ADAMTS6: variants seen among roughly 807,000 people sequenced by gnomAD.
ADAMTS6 encodes A disintegrin and metalloproteinase with thrombospondin motifs 6.
A neutral mutation model predicts 144.3 loss-of-function variants in ADAMTS6; 23 were observed. The observed-to-expected ratio is 0.16, with a 90% confidence interval of 0.11 to 0.23. The LOEUF (loss-of-function observed/expected upper bound fraction) is 0.23. ADAMTS6 is among the 10% of genes least tolerant of loss of function. ADAMTS6 has a pLI of 1.00. For missense variants in ADAMTS6, 999 were observed against 1,379.6 expected (o/e 0.72, Z 4.37); for synonymous variants, 444 against 457.5 (o/e 0.97, Z 0.38).
At chr5:65,372,833 C>T (rs1183545765) in intron 7 of ADAMTS6, among the ~76,000 whole-genome samples, 1 of 152,134 alleles carries the variant, frequency 6.6e-6, no homozygotes, top group Non-Finnish European at 1.5e-5. Flanking sequence ...CACACCTATT[C>T]CAAAATTGAC....
At chr5:65,301,792 T>C (rs1418957962) in intron 9 of ADAMTS6, among the ~76,000 whole-genome samples, 1 of 151,906 alleles carries the variant, frequency 6.6e-6, no homozygotes, top group Non-Finnish European at 1.5e-5. Flanking sequence ...TAAAGACATA[T>C]AATATGTCCT....
rs199582271 is a variant in ADAMTS6, at chr5:65,329,362, T to C, written c.1223+16A>G. The C allele has an allele frequency of 3.7e-5, 60 of 1,609,244 alleles. No individual in the cohort carries two copies. Among genetic ancestry groups the C allele is most frequent in the Non-Finnish European group, 5.0e-5 (59 of 1,177,498 alleles). ...AGAGTTCTAAAATTTATTTTGATTTTCTTAAACTCACTCACTTGTGACCAA... is the reference window on the plus strand; with the variant it reads ...AGAGTTCTAAAATTTATTTTGATTTCCTTAAACTCACTCACTTGTGACCAA... On this transcript the variant is annotated intron_variant, in intron 9 of 24. Transcript: ENST00000381055.
At chr5:65,319,291 A>G (rs1391848611) in intron 9 of ADAMTS6, among the ~76,000 whole-genome samples, 1 of 152,080 alleles carries the variant, frequency 6.6e-6, no homozygotes, top group Middle Eastern at 3.2e-3. Flanking sequence ...CAATGATTCA[A>G]ACTTCTCTCT....
chr5:65,163,140 G>A (rs1579925592), intron 24 of ADAMTS6, among the ~76,000 whole-genome samples: 1 of 152,108 alleles, frequency 6.6e-6, no homozygotes, highest in Non-Finnish European at 1.5e-5. Flanking sequence ...GAACTCCTGG[G>A]CTCAAGTGAT....
intron 9 of ADAMTS6, among the ~76,000 whole-genome samples, chr5:65,311,349 C>G (rs953940295): frequency 2.0e-5 from 3 of 152,054 alleles, no homozygotes; most frequent in African/African-American, 7.2e-5. Flanking sequence ...GGTTACTATA[C>G]AGAGACTGAG....
chr5:65,452,179 A>G lies in ADAMTS6; in HGVS notation c.881T>C (p.Val294Ala), dbSNP rs1335974656. 6 of 1,612,502 alleles carry G rather than the reference A, an allele frequency of 3.7e-6. No individual in the cohort carries two copies. The highest frequency in any genetic ancestry group is 1.3e-5 in the African/African-American group (1 of 74,894). Residue 294 changes from valine (V) to alanine (A), a missense_variant, in exon 6 of 25, where the codon GTT (valine) becomes GCT (alanine). Val to Ala is a moderately conservative substitution (Grantham distance 64, BLOSUM62 0). Coordinates refer to ENST00000381055, the MANE Select transcript of ADAMTS6 (RefSeq NM_197941.4). ...KLYRDSSLGN[V>A]VNIIVARLIV... ...TAAGCGGGCCACTATAATATTCACA[A>G]CGTTTCCTAGGCTGGAATCACGGTA...
At chr5:65,287,619 C>T (rs1205163711) in intron 11 of ADAMTS6, among the ~76,000 whole-genome samples, 3 of 152,142 alleles carry the variant, frequency 2.0e-5, no homozygotes, top group Non-Finnish European at 4.4e-5. Context: ...CAACCCCCGC[C>T]TCCTGGGTTC....
chr5:65,226,223 G>T lies in ADAMTS6; in HGVS notation c.1934-4C>A. 1.2e-6 allele frequency: 2 copies of T among 1,612,380 alleles called. No homozygotes were observed. Among genetic ancestry groups the T allele is most frequent in the South Asian group, 1.1e-5 (1 of 90,774 alleles). ...AATGCACAAGGTTTTACCCCACCTG[G>T]ACAAATACAGTAGAAGAGAAATAAG... On this transcript the variant is annotated splice_polypyrimidine_tract_variant and splice_region_variant and intron_variant, in intron 15 of 24. Coordinates refer to ENST00000381055, the MANE Select transcript of ADAMTS6 (RefSeq NM_197941.4).
At chr5:65,397,587 T>C (rs1753455315) in intron 7 of ADAMTS6, among the ~76,000 whole-genome samples, 1 of 152,076 alleles carries the variant, frequency 6.6e-6, no homozygotes, top group Non-Finnish European at 1.5e-5. Context: ...TAGAAGTATG[T>C]TGTTTATGGC....
chr5:65,260,738 A>G, intron 13 of ADAMTS6, 75 bp from the exon 14 acceptor site: 1 of 1,129,602 alleles, frequency 8.9e-7, no homozygotes, highest in South Asian at 1.5e-5. Flanking sequence ...TTACTTGATG[A>G]AAACATACTA....
intron 7 of ADAMTS6, among the ~76,000 whole-genome samples, chr5:65,439,089 C>A (rs561377619): frequency 4.6e-5 from 7 of 151,604 alleles, no homozygotes; most frequent in African/African-American, 1.7e-4. Flanking sequence ...TGGAAAGTGA[C>A]GGAAAATCCC....
intron 14 of ADAMTS6, among the ~76,000 whole-genome samples, chr5:65,256,964 TC>T: frequency 1.6e-5 from 2 of 128,960 alleles, no homozygotes; most frequent in African/African-American, 6.9e-5. Flanking sequence ...TCACTTTTTC[TC>T]TCTCTCTCTC....
intron 7 of ADAMTS6, among the ~76,000 whole-genome samples, chr5:65,396,573 G>A (rs1753356303): frequency 6.6e-6 from 1 of 152,100 alleles, no homozygotes; most frequent in Admixed American, 6.5e-5. Context: ...AGATTTAGAA[G>A]CAGAAAGCAT....
intron 11 of ADAMTS6, among the ~76,000 whole-genome samples, chr5:65,278,846 T>A (rs1323576453): frequency 6.6e-6 from 1 of 152,208 alleles, no homozygotes; most frequent in Non-Finnish European, 1.5e-5. Context: ...TTATCTTACC[T>A]TAGCATTTGA....
At chr5:65,220,304 A>T (rs78310843) in intron 18 of ADAMTS6, among the ~76,000 whole-genome samples, 2 of 152,216 alleles carry the variant, frequency 1.3e-5, no homozygotes, top group African/African-American at 4.8e-5. Flanking sequence ...AATGTATCAT[A>T]TGTCTGACAA....
intron 11 of ADAMTS6, 55 bp from the exon 12 acceptor site, chr5:65,273,502 C>T (rs1762218817): frequency 7.3e-7 from 1 of 1,375,186 alleles, no homozygotes; most frequent in Admixed American, 1.7e-5. Flanking sequence ...TCCAATTCTT[C>T]CATAAAATAC....
At chr5:65,459,033 T>C (rs147098293) in intron 4 of ADAMTS6, among the ~76,000 whole-genome samples, 16 of 151,638 alleles carry the variant, frequency 1.1e-4, no homozygotes, top group Admixed American at 3.9e-4. Flanking sequence ...CGTCTTTTTT[T>C]TTTCTTTCTT....
chr5:65,384,659 T>C (rs1483115931), intron 7 of ADAMTS6, among the ~76,000 whole-genome samples: 1 of 152,228 alleles, frequency 6.6e-6, no homozygotes, highest in Non-Finnish European at 1.5e-5. Flanking sequence ...CCTCTTCTCC[T>C]GAGCACTTGC....
chr5:65,445,877 G>T (rs954817803), intron 7 of ADAMTS6, among the ~76,000 whole-genome samples: 2 of 152,076 alleles, frequency 1.3e-5, no homozygotes, highest in Admixed American at 6.6e-5. Context: ...AGAAAGAAAG[G>T]TTGGTTTAAT....
Sources: allele counts gnomAD v4.1 joint callset (sites outside exome capture counted in the v4.1 genomes callset), GRCh38; gene constraint gnomAD v4.1.1; transcripts MANE v1.5; gene names NCBI Gene and HGNC (gene_info 2026-07-23, HGNC 2026-07-21).